The following HDX variants were observed in gnomAD, a reference collection of about 807,000 sequenced individuals.
The protein encoded by HDX is chromosome X open reading frame 43.
A neutral mutation model predicts 45.2 loss-of-function variants in HDX; 19 were observed. The observed-to-expected ratio is 0.42, with a 90% CI of 0.29 to 0.62. The LOEUF is 0.62. Among genes scored for constraint, HDX ranks in the 20% least tolerant of loss-of-function variants. The pLI, the probability that HDX is intolerant of heterozygous loss-of-function variation, is 0.20. For missense variants in HDX, 532 were observed against 493.9 expected (o/e 1.08, Z -0.73); for synonymous variants, 188 against 172.8 (o/e 1.09, Z -0.69).
chrX:84,374,530 C>T (rs1289848171), intron 5 of HDX, among the ~76,000 whole-genome samples: 1 of 99,812 alleles, frequency 1.0e-5, no homozygotes, highest in Non-Finnish European at 2.0e-5. Flanking sequence ...CTACAGTAAC[C>T]AAAACAGCAT....
rs191693165 is a variant in HDX at position 84,449,704 on chromosome X, G to T, written c.1252-9119C>A. 9.8e-5 allele frequency among the ~76,000 whole-genome samples: 11 copies of T among 112,230 alleles called. No individual in the cohort carries two copies. In the East Asian group the frequency reaches 3.1e-3, roughly 31 times the overall value. On this transcript the variant is annotated intron_variant, in intron 4 of 10. Transcript: ENST00000373177. ...AAGTGAAAGACAATACTAGCATCAT[G>T]AAAACACATGAAGGATAAATCCCAC...
At chrX:84,432,659 T>G (rs142907442) in intron 5 of HDX, among the ~76,000 whole-genome samples, 26 of 111,600 alleles carry the variant, frequency 2.3e-4, no homozygotes, top group African/African-American at 8.1e-4. Flanking sequence ...GTTATTGATT[T>G]TTGTACACTG....
At chrX:84,427,441 A>C (rs1007458323) in intron 5 of HDX, among the ~76,000 whole-genome samples, 8 of 111,356 alleles carry the variant, frequency 7.2e-5, no homozygotes, top group African/African-American at 2.6e-4. Context: ...ATGTTTTCTA[A>C]TGCCTCCTGT....
chrX:84,400,450 A>C (rs2038674306), intron 5 of HDX, among the ~76,000 whole-genome samples: 1 of 108,559 alleles, frequency 9.2e-6, no homozygotes, highest in Non-Finnish European at 1.9e-5. Flanking sequence ...ACTCCCATTC[A>C]CAATTGCTAA....
chrX:84,374,562 C>T (rs1260350230), intron 5 of HDX, among the ~76,000 whole-genome samples: 13 of 27,934 alleles, frequency 4.7e-4, no homozygotes, highest in East Asian at 8.2e-4. Context: ...CAAAACAGAA[C>T]AGAACAGAGC....
rs1569290977 is a variant in HDX, at chrX:84,354,940, T to TACACAC, written c.1452+6525_1452+6526insGTGTGT. On this transcript the variant is annotated intron_variant, in intron 6 of 10. Transcript: ENST00000373177. ...ATATACACACACACACATATATATA[T>TACACAC]ATATATATATATATATATATATATA... 3.6e-3 allele frequency among the ~76,000 whole-genome samples: 197 copies of TACACAC among 55,132 alleles called. 3 individuals are homozygous for TACACAC. Among genetic ancestry groups the TACACAC allele is most frequent in the African/African-American group, 0.02 (194 of 9,868 alleles). The allele number at this position is 55,132 out of a possible 115,157, so 47.9% of individuals were successfully genotyped here.
chrX:84,323,296 A>G (rs1329502371), intron 10 of HDX, among the ~76,000 whole-genome samples: 1 of 111,438 alleles, frequency 9.0e-6, no homozygotes, highest in East Asian at 2.8e-4. Flanking sequence ...TTGCAGTAAT[A>G]GGACACGGAG....
At chrX:84,399,046 T>C (rs2147949916) in intron 5 of HDX, among the ~76,000 whole-genome samples, 1 of 111,645 alleles carries the variant, frequency 9.0e-6, no homozygotes, top group Admixed American at 9.5e-5. Flanking sequence ...CATACCAGAA[T>C]ATCTTGAACA....
intron 9 of HDX, 68 bp downstream of exon 9, chrX:84,333,691 T>C (rs1261400483): frequency 3.4e-5 from 16 of 464,934 alleles, no homozygotes; most frequent in Non-Finnish European, 5.0e-5. Context: ...AGGAGTAATA[T>C]AGGTATTGTA....
chrX:84,331,684 T>G (rs1176193429), intron 9 of HDX, among the ~76,000 whole-genome samples: 1 of 111,632 alleles, frequency 9.0e-6, no homozygotes, highest in East Asian at 2.8e-4. Flanking sequence ...GCTGAAAAAT[T>G]TCTATCACCT....
intron 5 of HDX, among the ~76,000 whole-genome samples, chrX:84,388,721 T>C (rs1382158417): frequency 1.8e-5 from 2 of 111,977 alleles, no homozygotes; most frequent in African/African-American, 6.5e-5. Flanking sequence ...ATTTCTTGGA[T>C]TCCTTGGATA....
intron 5 of HDX, among the ~76,000 whole-genome samples, chrX:84,415,778 T>A (rs1174585567): frequency 8.9e-6 from 1 of 112,371 alleles, no homozygotes; most frequent in African/African-American, 3.2e-5. Context: ...AATAAGTAAT[T>A]TCCGCATTTT....
At chrX:84,323,080 A>G (rs58743028) in intron 10 of HDX, among the ~76,000 whole-genome samples, 1 of 111,194 alleles carries the variant, frequency 9.0e-6, no homozygotes, top group East Asian at 2.8e-4. Context: ...TGCAAATCCT[A>G]TACTTCCTGC....
intron 4 of HDX, among the ~76,000 whole-genome samples, chrX:84,447,428 A>T (rs1388898107): frequency 9.0e-6 from 1 of 111,538 alleles, no homozygotes; most frequent in Non-Finnish European, 1.9e-5. Context: ...CAAGTAAAGA[A>T]TAAGCGAGTG....
At chrX:84,358,988 A>G (rs2037553830) in intron 6 of HDX, among the ~76,000 whole-genome samples, 2 of 111,350 alleles carry the variant, frequency 1.8e-5, no homozygotes, top group Admixed American at 9.6e-5. Context: ...CTCTGTGTTG[A>G]GTGAGACATG....
rs2040417677 is a variant in HDX at position 84,469,538 on chromosome X, T to C, written c.185A>G (p.Lys62Arg). 8.3e-7 allele frequency: 1 copy of C among 1,199,031 alleles called. No homozygotes were observed. Among genetic ancestry groups the C allele is most frequent in the East Asian group, 3.0e-5 (1 of 33,689 alleles). The change falls in exon 4 of 11, where the codon AAG becomes AGG. Residue 62 changes from lysine to arginine, a missense_variant. This residue lies in a region of HDX where 376 missense variants were observed against 343.7 expected (regional missense o/e 1.09). Transcript: ENST00000373177. ...TGTTGCTGTTCCAGATTCAGAGTTC[T>C]TACTACTCATCTTTCTTCTCTTATT... is the stretch of plus-strand genomic sequence containing the variant. ...VGNKRRKMSSKNSESGTATTG... is the reference protein window; with the variant it reads ...VGNKRRKMSSRNSESGTATTG...
At chrX:84,482,104 G>C (rs746241520) in intron 2 of HDX, among the ~76,000 whole-genome samples, 7 of 111,425 alleles carry the variant, frequency 6.3e-5, no homozygotes, top group African/African-American at 2.3e-4. Flanking sequence ...CATTTTCTTT[G>C]TCTAATCCAC....
chrX:84,392,285 C>G (rs1355567779), intron 5 of HDX, among the ~76,000 whole-genome samples: 1 of 111,320 alleles, frequency 9.0e-6, no homozygotes, highest in Non-Finnish European at 1.9e-5. Context: ...GCGCCTGTTT[C>G]TATATCAATA....
intron 9 of HDX, among the ~76,000 whole-genome samples, chrX:84,328,748 T>C (rs1328859450): frequency 9.0e-6 from 1 of 111,689 alleles, no homozygotes; most frequent in African/African-American, 3.3e-5. Flanking sequence ...CAATTAGAAG[T>C]CTCATACATG....
Sources: gnomAD v4.1 joint callset for allele counts (sites outside exome capture counted in the v4.1 genomes callset) on GRCh38, gnomAD v4.1.1 for gene constraint, gnomAD v4.1.1 regional missense constraint, MANE v1.5 for transcripts, NCBI Gene and HGNC (gene_info 2026-07-23, HGNC 2026-07-21) for gene names.